FGGY: variants seen among roughly 807,000 people sequenced by gnomAD.
The protein encoded by FGGY is FGGY carbohydrate kinase domain containing, also known as FGGY carbohydrate kinase domain-containing protein.
FGGY carries 72 observed loss-of-function variants against 71.3 expected under a neutral mutation model. The observed-to-expected ratio is 1.01, with a 90% CI of 0.84 to 1.23. The LOEUF (loss-of-function observed/expected upper bound fraction) is 1.23, where lower values mean the gene tolerates loss of function less well. Ranked by LOEUF, FGGY falls within the 50% of genes most tolerant of loss-of-function variation. FGGY has a pLI of 0.00. For missense variants in FGGY, 668 were observed against 682.3 expected, an observed-to-expected ratio of 0.98 and a Z score of 0.23; for synonymous variants, 251 against 250.3, an observed-to-expected ratio of 1.00 and a Z score of -0.02.
chr1:59,607,869 T>A lies in FGGY; in HGVS notation c.970T>A (p.Phe324Ile), dbSNP rs758981993. 3.1e-6 allele frequency: 5 copies of A among 1,614,004 alleles called. No homozygotes were observed. In the African/African-American group the frequency reaches 6.7e-5, roughly 22 times the overall value. The part of the protein sequence containing the change: ...GPYFSAMVPG[F>I]WLNEGGQSVT... ...TTATTTCTCAGCCATGGTACCTGGG[T>A]TCTGGCTGAATGAAGGTGGTCAGAG... Residue 324 changes from phenylalanine to isoleucine, a missense_variant, in exon 9 of 16, where the codon TTC becomes ATC. This residue lies in a region of FGGY where 661 missense variants were observed against 661.6 expected (regional missense o/e 1.00). Transcript: ENST00000303721.
At chr1:59,634,713 A>G (rs7524081) in intron 10 of FGGY, among the ~76,000 whole-genome samples, 5,448 of 152,216 alleles carry the variant, frequency 0.036, 327 homozygotes, top group African/African-American at 0.12. Flanking sequence ...ACTAGAAATG[A>G]GTTTCTTATG....
intron 9 of FGGY, among the ~76,000 whole-genome samples, chr1:59,614,973 C>G (rs1280519892): frequency 3.9e-5 from 6 of 152,170 alleles, no homozygotes; most frequent in Admixed American, 1.3e-4. Flanking sequence ...AGGAGAACTA[C>G]AAACCACTGC....
intron 8 of FGGY, among the ~76,000 whole-genome samples, chr1:59,555,585 G>C (rs1202737943): frequency 4.6e-5 from 7 of 152,224 alleles, no homozygotes; most frequent in Non-Finnish European, 7.3e-5. Flanking sequence ...GACTCTGCCT[G>C]GGAGGGTGCA....
In FGGY at chr1:59,528,963, A is replaced by G. The variant is rs566966447; in HGVS notation, c.799+16524A>G. 5.3e-5 allele frequency among the ~76,000 whole-genome samples: 8 copies of G among 152,370 alleles called. No homozygotes were observed. In the East Asian group the frequency reaches 1.5e-3, roughly 29 times the overall value. On this transcript the variant is annotated intron_variant, in intron 7 of 15. Transcript: ENST00000303721. Reference sequence around the variant, plus strand: ...ATCCATCATTAAATGTAACATGCAGACAATAACTATTTAAACACCTAAATA... The same window carrying G: ...ATCCATCATTAAATGTAACATGCAGGCAATAACTATTTAAACACCTAAATA...
At chr1:59,567,013 G>A (rs994319632) in intron 8 of FGGY, among the ~76,000 whole-genome samples, 4 of 152,116 alleles carry the variant, frequency 2.6e-5, no homozygotes, top group Non-Finnish European at 4.4e-5. Flanking sequence ...ATAGGTGTCC[G>A]TTAAATAATA....
At chr1:59,330,633 T>C (rs960677929) in intron 2 of FGGY, among the ~76,000 whole-genome samples, 2 of 150,944 alleles carry the variant, frequency 1.3e-5, no homozygotes, top group Non-Finnish European at 2.9e-5. Flanking sequence ...GGAGAAAACT[T>C]GAGAAAGGAT....
At chr1:59,734,118 T>C (rs1473876241) in intron 14 of FGGY, among the ~76,000 whole-genome samples, 1 of 152,200 alleles carries the variant, frequency 6.6e-6, no homozygotes, top group Non-Finnish European at 1.5e-5. Context: ...AACACAGCCT[T>C]TCTCATTCCT....
rs143388056 is a variant in FGGY, at chr1:59,457,204, C to G, written c.670+128C>G. 1,057 of 678,192 alleles carry G rather than the reference C, an allele frequency of 1.6e-3. 3 individuals carry two copies. The highest frequency in any genetic ancestry group is 2.4e-3 in the Non-Finnish European group (926 of 389,156). The allele number at this position is 678,192 out of a possible 1,614,324, so 42.0% of individuals were successfully genotyped here. On this transcript the variant is annotated intron_variant, in intron 6 of 15. Transcript: ENST00000303721. ...AATACAGGAATGAAGTTCACTTTTT[C>G]CAAGACAAATGAGTTAATTATGATG...
At chr1:59,439,631 T>C (rs1254480568) in intron 5 of FGGY, among the ~76,000 whole-genome samples, 1 of 152,194 alleles carries the variant, frequency 6.6e-6, no homozygotes, top group Non-Finnish European at 1.5e-5. Flanking sequence ...TCTCCTCAGA[T>C]GATCGAAACC....
intron 4 of FGGY, among the ~76,000 whole-genome samples, chr1:59,371,019 T>G (rs1339403682): frequency 1.3e-5 from 2 of 150,524 alleles, no homozygotes; most frequent in Non-Finnish European, 3.0e-5. Flanking sequence ...AATCACCAGC[T>G]AACATCATAA....
chr1:59,735,499 C>T (rs2098092942), intron 14 of FGGY, among the ~76,000 whole-genome samples: 1 of 152,210 alleles, frequency 6.6e-6, no homozygotes, highest in African/African-American at 2.4e-5. Context: ...GCATTTTCAC[C>T]ATTGAATCCA....
At chr1:59,656,074 AC>A (rs1447453982) in intron 11 of FGGY, among the ~76,000 whole-genome samples, 3 of 152,172 alleles carry the variant, frequency 2.0e-5, no homozygotes, top group Non-Finnish European at 2.9e-5. Flanking sequence ...GTTTTCATGC[AC>A]CCTAATATTA....
At chr1:59,607,753 C>G (rs1490980693) in intron 8 of FGGY, 50 bp from the exon 9 acceptor site, 1 of 1,448,942 alleles carries the variant, frequency 6.9e-7, no homozygotes, top group Non-Finnish European at 9.7e-7. Context: ...GAACCCTTCC[C>G]CTACCCCTGA....
rs2096794470 is a variant in FGGY, at chr1:59,620,207, C to T, written c.1012-5781C>T. On this transcript the variant is annotated intron_variant, in intron 9 of 15. Coordinates refer to ENST00000303721, the MANE Select transcript of FGGY (RefSeq NM_018291.5). ...ACCATCATTTATATTTTTATTAAAG[C>T]CAAAAAATAAAATAAAAAATTAGGA... Among the ~76,000 whole-genome samples, 5 of 151,820 alleles carry T rather than the reference C, an allele frequency of 3.3e-5. 1 individual carries two copies. The South Asian group carries it at 1.0e-3, about 31-fold the overall frequency.
At chr1:59,391,672 T>A (rs1438625608) in intron 5 of FGGY, among the ~76,000 whole-genome samples, 1 of 152,190 alleles carries the variant, frequency 6.6e-6, no homozygotes, top group African/African-American at 2.4e-5. Flanking sequence ...GTTCCATTTC[T>A]ATAAAGCTTT....
At chr1:59,687,753 C>T (rs1353368805) in intron 14 of FGGY, among the ~76,000 whole-genome samples, 1 of 152,062 alleles carries the variant, frequency 6.6e-6, no homozygotes, top group Non-Finnish European at 1.5e-5. Flanking sequence ...CAGGCGTGAG[C>T]CACCACGTCT....
chr1:59,416,980 C>T (rs1042090263), intron 5 of FGGY, among the ~76,000 whole-genome samples: 3 of 152,112 alleles, frequency 2.0e-5, no homozygotes, highest in African/African-American at 7.2e-5. Flanking sequence ...AATTCATATA[C>T]CCTAAAATTC....
chr1:59,390,578 G>A (rs988833195), intron 5 of FGGY, among the ~76,000 whole-genome samples: 1 of 152,186 alleles, frequency 6.6e-6, no homozygotes, highest in African/African-American at 2.4e-5. Flanking sequence ...ACTTGTGCTT[G>A]TATATTATTG....
intron 10 of FGGY, among the ~76,000 whole-genome samples, chr1:59,637,706 C>G (rs1055482462): frequency 1.3e-5 from 2 of 152,230 alleles, no homozygotes; most frequent in African/African-American, 2.4e-5. Context: ...CATTCAGTCA[C>G]TTTACTTAGC....
Sources: allele counts gnomAD v4.1 joint callset (sites outside exome capture counted in the v4.1 genomes callset), GRCh38; gene constraint gnomAD v4.1.1; regional missense constraint gnomAD v4.1.1; transcripts MANE v1.5; gene names NCBI Gene and HGNC (gene_info 2026-07-23, HGNC 2026-07-21).